The following SUPT3H variants were observed in gnomAD, a reference collection of about 807,000 sequenced individuals.
SUPT3H encodes transcription initiation protein SPT3 homolog.
SUPT3H carries 44 observed loss-of-function variants against 44.3 expected under a neutral mutation model. That is an observed-to-expected ratio of 0.99 (90% CI 0.78 to 1.28). The LOEUF (loss-of-function observed/expected upper bound fraction) is 1.28, where lower values mean the gene tolerates loss of function less well. Ranked by LOEUF, SUPT3H falls within the 50% of genes most tolerant of loss-of-function variation. The pLI, the probability that SUPT3H is intolerant of heterozygous loss-of-function variation, is 0.00. For synonymous variants in SUPT3H, 124 were observed against 125.6 expected (o/e 0.99, Z 0.09); for missense variants, 380 against 387.1 (o/e 0.98, Z 0.15).
intron 2 of SUPT3H, among the ~76,000 whole-genome samples, chr6:45,346,211 T>C (rs1025648842): frequency 6.7e-6 from 1 of 150,058 alleles, no homozygotes; most frequent in African/African-American, 2.5e-5. Context: ...CTCACTCTAC[T>C]TATGTATATA....
intron 2 of SUPT3H, among the ~76,000 whole-genome samples, chr6:45,178,282 A>G (rs1313834056): frequency 2.0e-5 from 3 of 152,196 alleles, no homozygotes; most frequent in African/African-American, 7.2e-5. Flanking sequence ...GTCTCTGATA[A>G]AACAGACTTT....
chr6:44,892,714 A>C (rs1381051865), intron 10 of SUPT3H, among the ~76,000 whole-genome samples: 1 of 152,194 alleles, frequency 6.6e-6, no homozygotes, highest in Non-Finnish European at 1.5e-5. Context: ...GGGAAACAGA[A>C]GCCCACATAG....
intron 2 of SUPT3H, among the ~76,000 whole-genome samples, chr6:45,303,887 G>T (rs1413111272): frequency 6.6e-6 from 1 of 151,618 alleles, no homozygotes; most frequent in Non-Finnish European, 1.5e-5. Context: ...CAGCTACTCG[G>T]GAAGCTGAGG....
chr6:45,263,356 T>C (rs567076286), intron 2 of SUPT3H, among the ~76,000 whole-genome samples: 231 of 152,280 alleles, frequency 1.5e-3, no homozygotes, highest in African/African-American at 5.2e-3. Context: ...CTGAAGGCCA[T>C]TGTTCTAAGC....
intron 10 of SUPT3H, among the ~76,000 whole-genome samples, chr6:44,855,462 C>T (rs1773572995): frequency 6.6e-6 from 1 of 152,138 alleles, no homozygotes; most frequent in Non-Finnish European, 1.5e-5. Flanking sequence ...AAACTGTCAT[C>T]TTTATTCATA....
At chr6:44,893,475 G>T (rs1207053701) in intron 10 of SUPT3H, among the ~76,000 whole-genome samples, 1 of 151,396 alleles carries the variant, frequency 6.6e-6, no homozygotes, top group African/African-American at 2.4e-5. Context: ...TGCGGTGTTT[G>T]GTTTTTTGTT....
chr6:44,870,974 C>T (rs1225063483), intron 10 of SUPT3H, among the ~76,000 whole-genome samples: 1 of 151,450 alleles, frequency 6.6e-6, no homozygotes, highest in East Asian at 2.0e-4. Flanking sequence ...AGACTATATC[C>T]CACACCTGGC....
chr6:45,348,512 C>CAAAAAAAA (rs754208599), intron 2 of SUPT3H, among the ~76,000 whole-genome samples: 2 of 110,360 alleles, frequency 1.8e-5, no homozygotes, highest in African/African-American at 3.7e-5. Context: ...ACTAAAAATA[C>CAAAAAAAA]AAAAAAAAAA....
intron 10 of SUPT3H, among the ~76,000 whole-genome samples, chr6:44,877,567 T>C (rs1777516573): frequency 6.6e-6 from 1 of 152,118 alleles, no homozygotes; most frequent in South Asian, 2.1e-4. Flanking sequence ...AACATAAGTG[T>C]ACTACCAGGA....
chr6:45,347,064 T>A (rs528081806), intron 2 of SUPT3H, among the ~76,000 whole-genome samples: 1 of 152,132 alleles, frequency 6.6e-6, no homozygotes, highest in Non-Finnish European at 1.5e-5. Context: ...TAATTAAAAA[T>A]TGAACACATT....
intron 2 of SUPT3H, chr6:45,328,402 T>C: frequency 7.1e-7 from 1 of 1,415,852 alleles, no homozygotes; most frequent in South Asian, 1.1e-5. Context: ...AAGAAGTCTC[T>C]GGTTTTTAAA....
chr6:45,014,912 GTAAA>G (rs1322640105), intron 4 of SUPT3H, 21 bp from the exon 5 acceptor site: 1 of 1,409,620 alleles, frequency 7.1e-7, no homozygotes, highest in Non-Finnish European at 9.5e-7. Context: ...TATAAAATAA[GTAAA>G]TAAGAAAACC....
At chr6:44,887,316 T>C (rs936188353) in intron 10 of SUPT3H, among the ~76,000 whole-genome samples, 1 of 152,028 alleles carries the variant, frequency 6.6e-6, no homozygotes, top group African/African-American at 2.4e-5. Context: ...AGAATATACA[T>C]TTTTTTCAGC....
intron 2 of SUPT3H, among the ~76,000 whole-genome samples, chr6:45,305,182 C>T (rs992932619): frequency 6.6e-6 from 1 of 152,176 alleles, no homozygotes; most frequent in African/African-American, 2.4e-5. Flanking sequence ...AAACGAAAAA[C>T]ATCGGCTTTT....
intron 2 of SUPT3H, among the ~76,000 whole-genome samples, chr6:45,346,567 CTTT>C (rs71745024): frequency 1.4e-5 from 2 of 140,428 alleles, no homozygotes; most frequent in Admixed American, 7.2e-5. Flanking sequence ...ATAAACATTT[CTTT>C]TTTTTTTTTT....
chr6:45,317,013 G>A (rs1784793251), intron 2 of SUPT3H, among the ~76,000 whole-genome samples: 1 of 151,956 alleles, frequency 6.6e-6, no homozygotes, highest in Non-Finnish European at 1.5e-5. Flanking sequence ...GATCACTTGA[G>A]CTCAGAAGTT....
At chr6:45,175,437 A>C (rs565455177) in intron 2 of SUPT3H, among the ~76,000 whole-genome samples, 2 of 152,326 alleles carry the variant, frequency 1.3e-5, no homozygotes, top group Non-Finnish European at 2.9e-5. Context: ...CGAGAACAGC[A>C]TGGGGGAAAC....
intron 3 of SUPT3H, among the ~76,000 whole-genome samples, chr6:45,028,260 G>A (rs1338395238): frequency 6.6e-6 from 1 of 152,154 alleles, no homozygotes; most frequent in African/African-American, 2.4e-5. Context: ...GAATGGCACA[G>A]GGGTAGCTAA....
chr6:45,022,973 G>A (rs879428607), intron 3 of SUPT3H, among the ~76,000 whole-genome samples: 3 of 151,978 alleles, frequency 2.0e-5, no homozygotes, highest in Non-Finnish European at 4.4e-5. Context: ...GCCCAAGTTG[G>A]TCAAGGGTCA....
Sources: gnomAD v4.1 joint callset for allele counts (sites outside exome capture counted in the v4.1 genomes callset) on GRCh38, gnomAD v4.1.1 for gene constraint, MANE v1.5 for transcripts, NCBI Gene and HGNC (gene_info 2026-07-23, HGNC 2026-07-21) for gene names.